SYT14: variants seen among roughly 807,000 people sequenced by gnomAD.
SYT14 encodes the protein synaptotagmin 14.
In SYT14, 32 loss-of-function variants were observed where a neutral mutation model predicts 74.2. The ratio of observed to expected loss-of-function variants is 0.43; its 90% CI spans 0.33 to 0.58. SYT14 has a LOEUF of 0.58. SYT14 is among the 20% of genes least tolerant of loss of function. The pLI is 0.05. For synonymous variants in SYT14, 298 were observed against 337.7 expected (o/e 0.88, Z 1.29); for missense variants, 791 against 981.8 (o/e 0.81, Z 2.60).
chr1:210,089,244 G>A (rs1037417556), intron 5 of SYT14, among the ~76,000 whole-genome samples: 6 of 152,204 alleles, frequency 3.9e-5, no homozygotes, highest in Middle Eastern at 3.2e-3. Flanking sequence ...ATTCCATGGT[G>A]TATTTGTGCC....
rs12567185 is a variant in SYT14, at chr1:210,028,522, C to T, written c.1312+7268C>T. 0.016 allele frequency among the ~76,000 whole-genome samples: 2,367 copies of T among 152,220 alleles called. 188 individuals carry two copies. The East Asian group carries it at 0.25, about 16-fold the overall frequency. On this transcript the variant is annotated intron_variant, in intron 5 of 9. Transcript: ENST00000637265. The stretch of plus-strand genomic sequence containing the variant: ...TACCTCATATAAATGGAATCATACC[C>T]TATTTGTCTTTTTGTGACCAACTTA...
intron 5 of SYT14, among the ~76,000 whole-genome samples, chr1:210,054,417 CTAT>C (rs1379944974): frequency 6.6e-6 from 1 of 152,068 alleles, no homozygotes. Context: ...GTAATTGTTC[CTAT>C]TTTATGATTG....
intron 7 of SYT14, among the ~76,000 whole-genome samples, chr1:210,134,601 A>G (rs2082743247): frequency 6.6e-6 from 1 of 152,164 alleles, no homozygotes; most frequent in South Asian, 2.1e-4. Flanking sequence ...CATACAGTAT[A>G]CCTTTAAAGC....
At chr1:209,980,392 A>C (rs1326069555) in intron 2 of SYT14, among the ~76,000 whole-genome samples, 7 of 151,992 alleles carry the variant, frequency 4.6e-5, no homozygotes, top group Non-Finnish European at 1.0e-4. Context: ...CCTGTTCTTT[A>C]GGTTGTTTGT....
intron 9 of SYT14, 82 bp downstream of exon 8, chr1:210,159,559 T>A (rs1223256544): frequency 4.8e-6 from 6 of 1,240,536 alleles, no homozygotes; most frequent in Non-Finnish European, 6.9e-6. Flanking sequence ...AGTGAAGCTG[T>A]CCACCATGTT....
intron 5 of SYT14, among the ~76,000 whole-genome samples, chr1:210,054,576 G>GA (rs2102390943): frequency 6.6e-6 from 1 of 152,162 alleles, no homozygotes; most frequent in South Asian, 2.1e-4. Flanking sequence ...ATGTAACAGT[G>GA]ATACGTAGAA....
chr1:210,099,537 G>C (rs937258134), intron 6 of SYT14, among the ~76,000 whole-genome samples: 1 of 152,004 alleles, frequency 6.6e-6, no homozygotes, highest in Non-Finnish European at 1.5e-5. Flanking sequence ...TTTTATTACA[G>C]ATGGGGGTGT....
At chr1:210,070,527 G>C (rs545168035) in intron 5 of SYT14, among the ~76,000 whole-genome samples, 4 of 152,182 alleles carry the variant, frequency 2.6e-5, no homozygotes, top group African/African-American at 9.6e-5. Context: ...TGCTCTCCCT[G>C]TTCAGTGTTC....
intron 2 of SYT14, among the ~76,000 whole-genome samples, chr1:210,008,887 G>A (rs1003933655): frequency 2.0e-5 from 3 of 152,100 alleles, no homozygotes; most frequent in Non-Finnish European, 4.4e-5. Context: ...TTATTAGGGA[G>A]GTATGAATCA....
At chr1:209,956,832 A>G (rs538849777) in intron 2 of SYT14, among the ~76,000 whole-genome samples, 4 of 152,152 alleles carry the variant, frequency 2.6e-5, no homozygotes, top group Non-Finnish European at 4.4e-5. Context: ...GGGGAAATTC[A>G]TATGGAAAGA....
intron 5 of SYT14, among the ~76,000 whole-genome samples, chr1:210,059,803 C>A (rs1018027643): frequency 1.6e-4 from 24 of 152,204 alleles, no homozygotes; most frequent in Admixed American, 1.2e-3. Flanking sequence ...TGGATTGTTA[C>A]ATTCACTTCA....
At chr1:210,080,314 TTA>T (rs1226830409) in intron 5 of SYT14, among the ~76,000 whole-genome samples, 1 of 152,200 alleles carries the variant, frequency 6.6e-6, no homozygotes, top group Non-Finnish European at 1.5e-5. Flanking sequence ...GAATCATAAT[TTA>T]GAGTCATAAT....
At chr1:209,968,847 G>T (rs560718461) in intron 2 of SYT14, among the ~76,000 whole-genome samples, 2 of 151,976 alleles carry the variant, frequency 1.3e-5, no homozygotes, top group African/African-American at 4.8e-5. Context: ...CACCACCCAG[G>T]TAGTGAACAT....
chr1:209,989,969 T>C (rs2079636926), intron 2 of SYT14, among the ~76,000 whole-genome samples: 1 of 152,048 alleles, frequency 6.6e-6, no homozygotes, highest in African/African-American at 2.4e-5. Flanking sequence ...TTTAAAGCCA[T>C]GTACTTGCAG....
chr1:210,146,681 C>T (rs1350993878), intron 7 of SYT14, among the ~76,000 whole-genome samples: 2 of 151,158 alleles, frequency 1.3e-5, no homozygotes, highest in African/African-American at 4.9e-5. Context: ...TACATATATA[C>T]TATATGTAGT....
intron 6 of SYT14, among the ~76,000 whole-genome samples, chr1:210,096,336 G>A (rs1558186112): frequency 6.6e-6 from 1 of 152,188 alleles, no homozygotes; most frequent in Non-Finnish European, 1.5e-5. Flanking sequence ...GAGGAGTAAA[G>A]GACCAAAGTA....
chr1:210,140,573 A>G (rs116731030), intron 7 of SYT14, among the ~76,000 whole-genome samples: 2,581 of 152,164 alleles, frequency 0.017, 33 homozygotes, highest in Non-Finnish European at 0.027. Flanking sequence ...CTATGAAACC[A>G]TTGCCTAATA....
At chr1:210,008,333 A>G (rs760989971) in intron 2 of SYT14, among the ~76,000 whole-genome samples, 2 of 152,010 alleles carry the variant, frequency 1.3e-5, no homozygotes, top group Non-Finnish European at 2.9e-5. Flanking sequence ...GTGTAATATT[A>G]AACTAATTAT....
At chr1:210,068,033 G>A (rs1349770181) in intron 5 of SYT14, among the ~76,000 whole-genome samples, 1 of 151,818 alleles carries the variant, frequency 6.6e-6, no homozygotes, top group Non-Finnish European at 1.5e-5. Context: ...GTTTTAAAGA[G>A]AATGCTTCTA....
Sources: gnomAD v4.1 joint callset for allele counts (sites outside exome capture counted in the v4.1 genomes callset) on GRCh38, gnomAD v4.1.1 for gene constraint, MANE v1.5 for transcripts, NCBI Gene and HGNC (gene_info 2026-07-23, HGNC 2026-07-21) for gene names.